FHIT: variants seen among roughly 807,000 people sequenced by gnomAD.
The protein encoded by FHIT is fragile histidine triad diadenosine triphosphatase.
A neutral mutation model predicts 17.9 loss-of-function variants in FHIT; 19 were observed. The ratio of observed to expected loss-of-function variants is 1.06; its 90% CI spans 0.74 to 1.56. FHIT has a LOEUF of 1.56. FHIT is among the 40% of genes most tolerant of loss of function. The pLI is 0.00. For synonymous variants in FHIT, 81 were observed against 69.7 expected, an observed-to-expected ratio of 1.16 and a Z score of -0.81; for missense variants, 248 against 189.2, an observed-to-expected ratio of 1.31 and a Z score of -1.82.
chr3:60,237,734 C>T (rs2107566004), intron 5 of FHIT, among the ~76,000 whole-genome samples: 1 of 152,232 alleles, frequency 6.6e-6, no homozygotes, highest in South Asian at 2.1e-4. Context: ...AATGTAACTA[C>T]CCACATAAAA....
intron 5 of FHIT, among the ~76,000 whole-genome samples, chr3:60,122,403 C>G (rs1347926101): frequency 2.6e-5 from 4 of 152,032 alleles, no homozygotes; most frequent in Non-Finnish European, 5.9e-5. Flanking sequence ...AACTAGGAAT[C>G]AGAAAGACTG....
chr3:60,619,557 G>C (rs1434368728), intron 4 of FHIT, among the ~76,000 whole-genome samples: 2 of 132,800 alleles, frequency 1.5e-5, no homozygotes, highest in Non-Finnish European at 3.1e-5. Context: ...AGCCCACATA[G>C]TCTTTTCCAC....
intron 5 of FHIT, among the ~76,000 whole-genome samples, chr3:60,162,960 A>G (rs560209319): frequency 6.6e-6 from 1 of 152,308 alleles, no homozygotes; most frequent in South Asian, 2.1e-4. Flanking sequence ...CTTCCAGAGT[A>G]CAGAGCACCC....
At chr3:60,879,120 T>G (rs1192867121) in intron 3 of FHIT, among the ~76,000 whole-genome samples, 1 of 152,176 alleles carries the variant, frequency 6.6e-6, no homozygotes, top group African/African-American at 2.4e-5. Flanking sequence ...TGTAAAAGTG[T>G]TCCTATTTCT....
intron 5 of FHIT, among the ~76,000 whole-genome samples, chr3:60,433,457 G>A (rs1177441561): frequency 6.6e-6 from 1 of 152,042 alleles, no homozygotes; most frequent in East Asian, 1.9e-4. Context: ...AGATCATGGG[G>A]TAAATCTATT....
intron 3 of FHIT, among the ~76,000 whole-genome samples, chr3:60,916,615 G>C (rs1240460374): frequency 1.3e-5 from 2 of 152,168 alleles, no homozygotes; most frequent in Non-Finnish European, 2.9e-5. Flanking sequence ...TTAATTTGCA[G>C]ACCTTCTCAG....
At chr3:59,857,242 G>A (rs754857343) in intron 8 of FHIT, among the ~76,000 whole-genome samples, 7 of 152,170 alleles carry the variant, frequency 4.6e-5, no homozygotes, top group Non-Finnish European at 1.0e-4. Context: ...AGGCTTCAGA[G>A]GGCAGGAATG....
Position 61,168,911 on chromosome 3 carries a change from A to C in FHIT, c.-164+31706T>G, listed in dbSNP as rs376947486. ...AAAGCCAGAAGCTATGTGTTATAAA[A>C]TGTCCCTAGTTTTTCCCATGTTTTG... On this transcript the variant is annotated intron_variant, in intron 2 of 9. Transcript: ENST00000492590. Among the ~76,000 whole-genome samples the C allele has an allele frequency of 4.0e-5, 6 of 149,480 alleles. No individual in the cohort carries two copies. The East Asian group carries it at 1.2e-3, about 31-fold the overall frequency.
chr3:61,112,097 C>T (rs1286559133), intron 2 of FHIT, among the ~76,000 whole-genome samples: 1 of 152,042 alleles, frequency 6.6e-6, no homozygotes, highest in Non-Finnish European at 1.5e-5. Flanking sequence ...TAGGAGGTGG[C>T]GGGGCCAAAA....
At chr3:60,951,533 G>A (rs1708885109) in intron 3 of FHIT, among the ~76,000 whole-genome samples, 1 of 152,164 alleles carries the variant, frequency 6.6e-6, no homozygotes, top group Non-Finnish European at 1.5e-5. Context: ...ACATTGCTCA[G>A]CTGGTTAATG....
At chr3:61,147,257 C>A (rs1011014870) in intron 2 of FHIT, among the ~76,000 whole-genome samples, 1 of 151,976 alleles carries the variant, frequency 6.6e-6, no homozygotes, top group African/African-American at 2.4e-5. Flanking sequence ...CAAAACAAAA[C>A]AGATTTTTAA....
intron 5 of FHIT, among the ~76,000 whole-genome samples, chr3:60,491,185 A>C (rs892624535): frequency 1.3e-5 from 2 of 152,174 alleles, no homozygotes; most frequent in African/African-American, 4.8e-5. Context: ...GATTTTTATT[A>C]AGCAATAGCA....
intron 4 of FHIT, among the ~76,000 whole-genome samples, chr3:60,813,306 T>G (rs1192377409): frequency 1.3e-5 from 2 of 151,862 alleles, no homozygotes; most frequent in African/African-American, 4.8e-5. Flanking sequence ...TAAATTTATT[T>G]TCTTTTAATA....
intron 5 of FHIT, among the ~76,000 whole-genome samples, chr3:60,266,769 G>T (rs1706597354): frequency 6.6e-6 from 1 of 152,068 alleles, no homozygotes; most frequent in Non-Finnish European, 1.5e-5. Context: ...CTGCAGGAGA[G>T]ATGTCTCTAG....
At chr3:59,913,743 T>C (rs979632918) in intron 8 of FHIT, among the ~76,000 whole-genome samples, 7 of 152,176 alleles carry the variant, frequency 4.6e-5, no homozygotes, top group East Asian at 1.9e-4. Flanking sequence ...CCCAGTATGA[T>C]TGGGTATTTT....
rs2039080617 is a variant in FHIT at position 61,203,057 on chromosome 3, G to A, written c.-212-2392C>T. Reference sequence around the variant, plus strand: ...TAGATGGGTGTGGTACCAGGCGCCTGTAGTCCCAGCTACTTGGGAGGCTGA... The same window carrying A: ...TAGATGGGTGTGGTACCAGGCGCCTATAGTCCCAGCTACTTGGGAGGCTGA... On this transcript the variant is annotated intron_variant, in intron 1 of 9. Coordinates refer to ENST00000492590, the MANE Select transcript of FHIT (RefSeq NM_002012.4). 2.0e-5 allele frequency among the ~76,000 whole-genome samples: 3 copies of A among 151,972 alleles called. No individual in the cohort carries two copies. In the South Asian group the frequency reaches 6.2e-4, roughly 32 times the overall value.
At chr3:61,050,559 C>G (rs1219622168) in intron 2 of FHIT, among the ~76,000 whole-genome samples, 2 of 152,130 alleles carry the variant, frequency 1.3e-5, no homozygotes, top group African/African-American at 4.8e-5. Flanking sequence ...AGGCCCTTAT[C>G]AGTTAGAGAT....
At chr3:60,933,697 G>T (rs1708065862) in intron 3 of FHIT, among the ~76,000 whole-genome samples, 1 of 152,282 alleles carries the variant, frequency 6.6e-6, no homozygotes, top group East Asian at 1.9e-4. Flanking sequence ...TAAACACTAA[G>T]AGCAAGGCTT....
intron 5 of FHIT, among the ~76,000 whole-genome samples, chr3:60,383,643 T>C (rs1700895268): frequency 6.7e-6 from 1 of 149,862 alleles, no homozygotes. Context: ...AGGACTTCTA[T>C]GGACATGAGC....
Sources: allele counts gnomAD v4.1 joint callset (sites outside exome capture counted in the v4.1 genomes callset), GRCh38; gene constraint gnomAD v4.1.1; transcripts MANE v1.5; gene names NCBI Gene and HGNC (gene_info 2026-07-23, HGNC 2026-07-21).